Variants in ATL2 observed in about 807,000 individuals in gnomAD.
The protein encoded by ATL2 is atlastin-2.
Under a neutral mutation model 73.9 loss-of-function variants are expected in ATL2, and 31 were observed. The ratio of observed to expected loss-of-function variants is 0.42; its 90% CI spans 0.32 to 0.57. The LOEUF (loss-of-function observed/expected upper bound fraction) is 0.57. Ranked by LOEUF, ATL2 falls within the 20% of genes least tolerant of loss-of-function variation. The pLI is 0.14. For synonymous variants in ATL2, 291 were observed against 237.5 expected, an observed-to-expected ratio of 1.23 and a Z score of -2.07; for missense variants, 738 against 702.6, an observed-to-expected ratio of 1.05 and a Z score of -0.57.
chr2:38,318,473 G>GAAA, intron 4 of ATL2, 62 bp downstream of exon 4: 3 of 1,129,014 alleles, frequency 2.7e-6, no homozygotes, highest in Admixed American at 2.9e-5. Flanking sequence ...TCTCAAAAAA[G>GAAA]AAAAAAAAAA....
intron 1 of ATL2, among the ~76,000 whole-genome samples, chr2:38,353,813 A>G (rs1447898102): frequency 1.3e-5 from 2 of 152,242 alleles, no homozygotes; most frequent in African/African-American, 4.8e-5. Flanking sequence ...TGATAGCTTT[A>G]GAGTGTTTTT....
intron 1 of ATL2, chr2:38,358,409 T>G (rs960491267): frequency 1.3e-5 from 2 of 155,146 alleles, no homozygotes; most frequent in Admixed American, 6.5e-5. Context: ...GCTATAGAAA[T>G]TATTTTAAAA....
At chr2:38,327,894 C>T (rs1229978886) in intron 2 of ATL2, among the ~76,000 whole-genome samples, 1 of 152,152 alleles carries the variant, frequency 6.6e-6, no homozygotes, top group Non-Finnish European at 1.5e-5. Context: ...CGAGATTGTG[C>T]CACCGCACTC....
At chr2:38,350,370 T>C (rs1045216719) in intron 1 of ATL2, among the ~76,000 whole-genome samples, 5 of 152,200 alleles carry the variant, frequency 3.3e-5, no homozygotes, top group African/African-American at 9.6e-5. Context: ...GGTACCTACC[T>C]AATATCTATT....
intron 2 of ATL2, 67 bp from the exon 3 acceptor site, chr2:38,319,086 C>T: frequency 6.6e-7 from 1 of 1,521,666 alleles, no homozygotes; most frequent in African/African-American, 1.4e-5. Flanking sequence ...AAAAAATCAC[C>T]CATTCTTTAT....
rs141697664 is a variant in ATL2 at position 38,306,996 on chromosome 2, T to C, written c.1071+2383A>G. Among the ~76,000 whole-genome samples the C allele has an allele frequency of 2.3e-3, 348 of 152,250 alleles. 4 individuals carry two copies. The highest frequency in any genetic ancestry group is 7.6e-3 in the African/African-American group (317 of 41,554). ...TGAAACTAGACCCCATCTCTAGCCATATACAAAAATCAAATCAAAATGGAT... is the reference window on the plus strand; with the variant it reads ...TGAAACTAGACCCCATCTCTAGCCACATACAAAAATCAAATCAAAATGGAT... On this transcript the variant is annotated intron_variant, in intron 9 of 12. Coordinates refer to ENST00000378954, the MANE Select transcript of ATL2 (RefSeq NM_001135673.4).
At chr2:38,346,337 T>C (rs1670014132) in intron 1 of ATL2, among the ~76,000 whole-genome samples, 1 of 152,178 alleles carries the variant, frequency 6.6e-6, no homozygotes, top group Non-Finnish European at 1.5e-5. Flanking sequence ...AGCAACTAAA[T>C]AATATAGTTA....
At chr2:38,367,157 G>A (rs929396286) in intron 1 of ATL2, among the ~76,000 whole-genome samples, 1 of 150,504 alleles carries the variant, frequency 6.6e-6, no homozygotes, top group African/African-American at 2.4e-5. Context: ...TTTCAGGTAG[G>A]TTTTTTTTTA....
At chr2:38,339,353 A>G (rs1669563770) in intron 2 of ATL2, among the ~76,000 whole-genome samples, 2 of 152,206 alleles carry the variant, frequency 1.3e-5, no homozygotes. Context: ...GCACCAATGG[A>G]AAAACTGCAG....
intron 10 of ATL2, 110 bp downstream of exon 10, chr2:38,300,162 G>T: frequency 1.1e-6 from 1 of 928,336 alleles, no homozygotes; most frequent in Non-Finnish European, 1.7e-6. Context: ...AAATGTGTTT[G>T]CATGCAAAAA....
intron 1 of ATL2, among the ~76,000 whole-genome samples, chr2:38,354,762 T>A (rs941667396): frequency 4.0e-5 from 6 of 151,856 alleles, no homozygotes; most frequent in Admixed American, 2.6e-4. Context: ...TGGTGGCACA[T>A]CCCTGTAATC....
In ATL2 at chr2:38,377,164, C is replaced by G. The variant is rs960695011; in HGVS notation, c.97G>C (p.Val33Leu). Residue 33 changes from valine to leucine, a missense_variant, in exon 1 of 13, where the codon GTC (valine) becomes CTC (leucine). Val to Leu is a conservative substitution (Grantham distance 32, BLOSUM62 1). Transcript: ENST00000378954. The stretch of plus-strand genomic sequence containing the variant: ...GTACCTAGGGAGGTCGTGGACGAGA[C>G]GTGGTTAACCGCGGCGCTTGGGTCG... The part of the protein sequence containing the change: ...TSDPSAAVNH[V>L]SSTTSLGENY... 2.5e-6 allele frequency: 4 copies of G among 1,610,692 alleles called. No individual in the cohort carries two copies. The highest frequency in any genetic ancestry group is 2.7e-5 in the African/African-American group (2 of 74,772).
At chr2:38,303,397 G>A (rs1667284216) in intron 9 of ATL2, among the ~76,000 whole-genome samples, 1 of 151,924 alleles carries the variant, frequency 6.6e-6, no homozygotes, top group South Asian at 2.1e-4. Context: ...GTAGAGACAA[G>A]GTTTCACCAT....
At chr2:38,369,936 G>A (rs1184568451) in intron 1 of ATL2, among the ~76,000 whole-genome samples, 1 of 151,046 alleles carries the variant, frequency 6.6e-6, no homozygotes, top group Non-Finnish European at 1.5e-5. Context: ...TGGATCACGA[G>A]GTCAGGAGAT....
At chr2:38,325,533 G>C (rs780156778) in intron 2 of ATL2, among the ~76,000 whole-genome samples, 5 of 151,860 alleles carry the variant, frequency 3.3e-5, no homozygotes, top group Non-Finnish European at 7.4e-5. Context: ...AATTACGGAA[G>C]AAAGTTTCCC....
At chr2:38,296,612 TAGG>T (rs754118937) in intron 12 of ATL2, 33 of 1,612,360 alleles carry the variant, frequency 2.0e-5, no homozygotes, top group African/African-American at 4.0e-5. Context: ...AGTGATTTGT[TAGG>T]AGAATGAATC....
At chr2:38,355,404 C>T (rs542502523) in intron 1 of ATL2, among the ~76,000 whole-genome samples, 1 of 152,288 alleles carries the variant, frequency 6.6e-6, no homozygotes, top group South Asian at 2.1e-4. Context: ...GCGTGAGCCA[C>T]TGCGCCTGGC....
chr2:38,308,079 T>C (rs1296676124), intron 9 of ATL2, among the ~76,000 whole-genome samples: 1 of 152,100 alleles, frequency 6.6e-6, no homozygotes, highest in Non-Finnish European at 1.5e-5. Flanking sequence ...AAAACGACCA[T>C]ATGATCCAGC....
intron 1 of ATL2, among the ~76,000 whole-genome samples, chr2:38,357,508 G>C (rs1242133969): frequency 2.0e-5 from 3 of 151,096 alleles, no homozygotes; most frequent in Non-Finnish European, 4.4e-5. Context: ...ACAAAAATTA[G>C]CTGGGCGTGG....
Sources: gnomAD v4.1 joint callset for allele counts (sites outside exome capture counted in the v4.1 genomes callset) on GRCh38, gnomAD v4.1.1 for gene constraint, MANE v1.5 for transcripts, NCBI Gene and HGNC (gene_info 2026-07-23, HGNC 2026-07-21) for gene names.